MBD3: variants seen among roughly 807,000 people sequenced by gnomAD.
MBD3 encodes the protein methyl-CpG binding domain protein 3.
A neutral mutation model predicts 31.2 loss-of-function variants in MBD3; 13 were observed. That is an observed-to-expected ratio of 0.42 (90% confidence interval 0.27 to 0.66). The LOEUF (loss-of-function observed/expected upper bound fraction) is 0.66, where lower values mean the gene tolerates loss of function less well. MBD3 is among the 30% of genes least tolerant of loss of function. The pLI, the probability that MBD3 is intolerant of heterozygous loss-of-function variation, is 0.26. For synonymous variants in MBD3, 223 were observed against 187.4 expected (o/e 1.19, Z -1.55); for missense variants, 440 against 426.5 (o/e 1.03, Z -0.28).
chr19:1,581,771 CTTTT>C (rs35312920), intron 4 of MBD3: 62 of 162,152 alleles, frequency 3.8e-4, no homozygotes, highest in South Asian at 1.3e-3. Context: ...TGCTCTGTAT[CTTTT>C]TTTTTTTTTT....
intron 1 of MBD3, among the ~76,000 whole-genome samples, chr19:1,590,921 T>G (rs1599350169): frequency 1.3e-5 from 2 of 152,278 alleles, no homozygotes; most frequent in East Asian, 3.9e-4. Context: ...ACCTGAAATC[T>G]CTAGCCTGTA....
In MBD3 at chr19:1,590,393, G is replaced by A. The variant is rs144048250; in HGVS notation, c.110+2129C>T. ...TCCCAGCACTTTGGGAGGCTGAGGC[G>A]GGTTAACTGCTTGAGTCCAGGAATT... is the stretch of plus-strand genomic sequence containing the variant. On this transcript the variant is annotated intron_variant, in intron 1 of 6. Transcript: ENST00000434436. Among the ~76,000 whole-genome samples, 731 of 152,310 alleles carry A rather than the reference G, an allele frequency of 4.8e-3. 8 individuals carry two copies. Among genetic ancestry groups the A allele is most frequent in the African/African-American group, 0.017 (693 of 41,580 alleles).
In MBD3 at chr19:1,584,869, G is replaced by A. The variant is rs2060670648; in HGVS notation, c.270+186C>T. ...GCCGGCTCTGGAACGCCCGCCGCGG[G>A]CCGCGTCCTCGCCATGCGCCTTGCG... On this transcript the variant is annotated intron_variant, in intron 2 of 6. Transcript: ENST00000434436. 3.9e-6 allele frequency: 4 copies of A among 1,021,686 alleles called. No individual in the cohort carries two copies. The East Asian group carries it at 1.3e-4, about 32-fold the overall frequency. The allele number at this position is 1,021,686 out of a possible 1,614,324, so 63.3% of individuals were successfully genotyped here.
chr19:1,588,653 T>A (rs1307568253), intron 1 of MBD3, among the ~76,000 whole-genome samples: 2 of 151,668 alleles, frequency 1.3e-5, no homozygotes, highest in Non-Finnish European at 2.9e-5. Context: ...CAGTGGCACG[T>A]GCCTATAGTC....
intron 1 of MBD3, 117 bp downstream of exon 1, chr19:1,592,405 C>T (rs1200764350): frequency 3.9e-6 from 1 of 258,570 alleles, no homozygotes; most frequent in Non-Finnish European, 6.8e-6. Context: ...CGCACGCACG[C>T]ACGCACGACG....
At chr19:1,590,090 G>T (rs1056882672) in intron 1 of MBD3, among the ~76,000 whole-genome samples, 1 of 148,522 alleles carries the variant, frequency 6.7e-6, no homozygotes, top group Non-Finnish European at 1.5e-5. Flanking sequence ...CTGGGGTCAG[G>T]AGTTCGAGAC....
At position 1,578,372 on chromosome 19, in the gene MBD3, GCTCCTCCTCCTC is replaced by G. The variant is rs371220154; in HGVS notation, c.832_843del (p.Glu278_Glu281del). On this transcript the variant is annotated inframe_deletion, in exon 6 of 7. Coordinates refer to ENST00000434436, the MANE Select transcript of MBD3 (RefSeq NM_001281453.2). The surrounding 1 kb of genome is among the most constrained non-coding windows in gnomAD (Gnocchi z 6.1). ...TGCTCCATCTCCGGGTCCGGGTCGG[GCTCCTCCTCCTC>G]CTCCTCCTCGTCTTCCTCGTCGTCG... 6.2e-7 allele frequency: 1 copy of G among 1,600,904 alleles called. No homozygotes were observed. Among genetic ancestry groups the G allele is most frequent in the Non-Finnish European group, 8.5e-7 (1 of 1,177,900 alleles).
intron 3 of MBD3, among the ~76,000 whole-genome samples, chr19:1,583,729 C>T (rs992947644): frequency 2.0e-5 from 3 of 152,114 alleles, no homozygotes; most frequent in Non-Finnish European, 4.4e-5. Flanking sequence ...AAAACACACA[C>T]AAGGAACGTC....
In MBD3 at chr19:1,575,221, G is replaced by A. The variant is rs1188790536; in HGVS notation, c.*2943C>T. ...GGGGCGGGCGGATCACCTGAGGTTA[G>A]GAGTTCCAGACCAGACTGGCCAACA... On this transcript the variant is annotated 3_prime_UTR_variant, in exon 7 of 7. Coordinates refer to ENST00000434436, the MANE Select transcript of MBD3 (RefSeq NM_001281453.2). 6 of 432,934 alleles carry A rather than the reference G, an allele frequency of 1.4e-5. No individual in the cohort carries two copies. The highest frequency in any genetic ancestry group is 2.4e-5 in the Non-Finnish European group (5 of 211,258). 26.8% of individuals were successfully genotyped at this position (432,934 alleles called of 1,614,324 possible). A position where few individuals can be genotyped will look rare whatever the true frequency, so the allele number is the denominator to read the frequency against.
At position 1,581,815 on chromosome 19, in the gene MBD3, G is replaced by GCT. The variant is rs1917361733; in HGVS notation, c.500-547_500-546insAG. ...GACGGAGTCTCCCTCTGTTGCCCAGGAGAGTGCAGTGGTGCGATCTCGGCT... is the reference window on the plus strand; with the variant it reads ...GACGGAGTCTCCCTCTGTTGCCCAGGCTAGAGTGCAGTGGTGCGATCTCGGCT... On this transcript the variant is annotated intron_variant, in intron 4 of 6. Transcript: ENST00000434436. 18 of 187,914 alleles carry GCT rather than the reference G, an allele frequency of 9.6e-5. No individual in the cohort carries two copies. In the South Asian group the frequency reaches 1.8e-3, roughly 19 times the overall value. 11.6% of individuals were successfully genotyped at this position (187,914 alleles called of 1,614,324 possible).
intron 3 of MBD3, chr19:1,583,411 A>G (rs2060662550): frequency 6.6e-6 from 1 of 151,754 alleles, no homozygotes; most frequent in African/African-American, 2.4e-5. Flanking sequence ...AAAAAAAGAA[A>G]AAACAAAAAG....
chr19:1,580,048 G>A (rs1485712852), intron 5 of MBD3, among the ~76,000 whole-genome samples: 1 of 152,228 alleles, frequency 6.6e-6, no homozygotes, highest in East Asian at 1.9e-4. Flanking sequence ...GTCAGCCACT[G>A]TGCCCGGCCT....
intron 1 of MBD3, among the ~76,000 whole-genome samples, chr19:1,589,057 T>C (rs1325666262): frequency 6.6e-6 from 1 of 151,790 alleles, no homozygotes; most frequent in Non-Finnish European, 1.5e-5. Flanking sequence ...AAAGAATAAA[T>C]GCAGTGGCTC....
rs1473083038 is a variant in MBD3, at chr19:1,573,659, A to C, written c.*4505T>G. 6.6e-6 allele frequency: 1 copy of C among 152,250 alleles called. No individual in the cohort carries two copies. The highest frequency in any genetic ancestry group is 1.5e-5 in the Non-Finnish European group (1 of 68,058). The allele number at this position is 152,250 out of a possible 1,614,324, so 9.4% of individuals were successfully genotyped here. On this transcript the variant is annotated 3_prime_UTR_variant, in exon 7 of 7. Coordinates refer to ENST00000434436, the MANE Select transcript of MBD3 (RefSeq NM_001281453.2). The stretch of plus-strand genomic sequence containing the variant: ...TCAAAAAACCCACTTCACACACGTT[A>C]ACTGGAAATATCTTCAAATGAACGG...
At chr19:1,581,620 C>T (rs1261660130) in intron 4 of MBD3, 10 of 376,596 alleles carry the variant, frequency 2.7e-5, no homozygotes, top group East Asian at 6.5e-5. Flanking sequence ...CGCTGCATAC[C>T]TGTGGTCCCA....
intron 1 of MBD3, among the ~76,000 whole-genome samples, chr19:1,587,052 G>A (rs565068122): frequency 6.7e-6 from 1 of 150,050 alleles, no homozygotes; most frequent in East Asian, 2.0e-4. Flanking sequence ...TGCAACCTCC[G>A]ACTTCCGGGT....
At chr19:1,581,331 G>C in intron 4 of MBD3, 62 bp from the exon 5 acceptor site, 4 of 1,535,260 alleles carry the variant, frequency 2.6e-6, no homozygotes, top group South Asian at 1.1e-5. Flanking sequence ...CTGTGGCCCA[G>C]ACAGGCCACG....
intron 3 of MBD3, among the ~76,000 whole-genome samples, chr19:1,583,783 G>A (rs552823637): frequency 6.6e-6 from 1 of 152,220 alleles, no homozygotes; most frequent in African/African-American, 2.4e-5. Context: ...ATACCTGCAG[G>A]TAACGTGCAA....
intron 2 of MBD3, 113 bp from the exon 3 acceptor site, chr19:1,584,790 G>T: frequency 8.6e-7 from 1 of 1,163,096 alleles, no homozygotes; most frequent in Non-Finnish European, 1.2e-6. Flanking sequence ...CGTGTCCCCC[G>T]CGCCCGCCAG....
Sources: gnomAD v4.1 joint callset for allele counts (sites outside exome capture counted in the v4.1 genomes callset) on GRCh38, gnomAD v4.1.1 for gene constraint, Gnocchi (gnomAD v3.1) non-coding constraint, MANE v1.5 for transcripts, NCBI Gene and HGNC (gene_info 2026-07-23, HGNC 2026-07-21) for gene names.